The following PTDSS2 variants were observed in gnomAD, a reference collection of about 807,000 sequenced individuals.
PTDSS2 encodes PSS-2.
In PTDSS2, 41 loss-of-function variants were observed where a neutral mutation model predicts 64.7. The ratio of observed to expected loss-of-function variants is 0.63; its 90% CI spans 0.49 to 0.82. The LOEUF is 0.82. PTDSS2 is among the 40% of genes least tolerant of loss of function. The pLI, the probability that PTDSS2 is intolerant of heterozygous loss-of-function variation, is 0.00. For synonymous variants in PTDSS2, 297 were observed against 277.8 expected (o/e 1.07, Z -0.69); for missense variants, 485 against 650.0 (o/e 0.75, Z 2.76).
At chr11:468,346 G>A (rs748608322) in intron 2 of PTDSS2, among the ~76,000 whole-genome samples, 7 of 152,210 alleles carry the variant, frequency 4.6e-5, no homozygotes, top group Admixed American at 2.6e-4. Context: ...TGCAGCATTC[G>A]TATGGCAGTG....
intron 4 of PTDSS2, among the ~76,000 whole-genome samples, chr11:484,174 C>T (rs1487810878): frequency 5.3e-5 from 8 of 152,226 alleles, no homozygotes; most frequent in Non-Finnish European, 1.2e-4. Flanking sequence ...CTCTATTTAT[C>T]GTGGTGCCCA....
At chr11:490,091 T>C in intron 11 of PTDSS2, 23 bp downstream of exon 11, 2 of 1,586,854 alleles carry the variant, frequency 1.3e-6, no homozygotes, top group Non-Finnish European at 1.7e-6. Flanking sequence ...AGGGCGCGTA[T>C]GTTCTGAAGG....
At chr11:475,533 C>T (rs1383948227) in intron 3 of PTDSS2, among the ~76,000 whole-genome samples, 2 of 151,314 alleles carry the variant, frequency 1.3e-5, no homozygotes, top group African/African-American at 4.9e-5. Flanking sequence ...TTGTGTGATA[C>T]GGACATTCAC....
chr11:486,595 C>A (rs919309716), intron 4 of PTDSS2, among the ~76,000 whole-genome samples: 17 of 152,158 alleles, frequency 1.1e-4, no homozygotes, highest in Non-Finnish European at 8.8e-5. Context: ...GTAATCCCAG[C>A]TCTTTGGGAG....
At chr11:485,967 G>A (rs1248323651) in intron 4 of PTDSS2, among the ~76,000 whole-genome samples, 2 of 139,386 alleles carry the variant, frequency 1.4e-5, no homozygotes, top group Non-Finnish European at 3.1e-5. Context: ...ACGGGCGCGC[G>A]TGTGCTCACC....
rs375443544 is a variant in PTDSS2 at position 459,714 on chromosome 11, T to C, written c.183-473T>C. Reference sequence around the variant, plus strand: ...CCCACGGCTCGTGGCTCACTCCAGCTAGCAGCGGTCACTCTGCAGGCCTCT... The same window carrying C: ...CCCACGGCTCGTGGCTCACTCCAGCCAGCAGCGGTCACTCTGCAGGCCTCT... On this transcript the variant is annotated intron_variant, in intron 1 of 11. Coordinates refer to ENST00000308020, the MANE Select transcript of PTDSS2 (RefSeq NM_030783.3). 37 of 164,246 alleles carry C rather than the reference T, an allele frequency of 2.3e-4. No individual in the cohort carries two copies. In the South Asian group the frequency reaches 4.6e-3, roughly 21 times the overall value. 10.2% of individuals were successfully genotyped at this position (164,246 alleles called of 1,614,324 possible). A position where few individuals can be genotyped will look rare whatever the true frequency, so the allele number is the denominator to read the frequency against.
In PTDSS2 at chr11:490,710, T is replaced by G; in HGVS notation, c.*128T>G. 1 of 961,344 alleles carries G rather than the reference T, an allele frequency of 1.0e-6. No individual in the cohort carries two copies. Among genetic ancestry groups the G allele is most frequent in the Non-Finnish European group, 1.5e-6 (1 of 663,432 alleles). 59.6% of individuals were successfully genotyped at this position (961,344 alleles called of 1,614,324 possible). On this transcript the variant is annotated 3_prime_UTR_variant, in exon 12 of 12. Transcript: ENST00000308020. The stretch of plus-strand genomic sequence containing the variant: ...GTTTTTTGCTTTTCTCCTGTGCACC[T>G]GGCGAGGCTGAAGGCGAGGGGTGGA...
chr11:458,961 C>T (rs1295340802), intron 1 of PTDSS2: 3 of 152,292 alleles, frequency 2.0e-5, no homozygotes, highest in East Asian at 1.9e-4. Context: ...TCAGAAGCTT[C>T]CCCATTTAGA....
At chr11:486,569 G>A (rs183959623) in intron 4 of PTDSS2, among the ~76,000 whole-genome samples, 3 of 152,324 alleles carry the variant, frequency 2.0e-5, no homozygotes, top group East Asian at 1.9e-4. Context: ...CTGGCCGGGC[G>A]TGGTGGCTCA....
chr11:475,002 C>T (rs1847674255), intron 3 of PTDSS2, among the ~76,000 whole-genome samples: 1 of 95,618 alleles, frequency 1.0e-5, no homozygotes, highest in Admixed American at 9.3e-5. Flanking sequence ...GACATATTCA[C>T]GAGTTTGTGT....
chr11:490,199 G>A (rs1168793086), intron 11 of PTDSS2, 131 bp downstream of exon 11: 2 of 1,187,862 alleles, frequency 1.7e-6, no homozygotes, highest in Non-Finnish European at 2.4e-6. Context: ...GCCTCTGCGG[G>A]AGGCGCCTTT....
At chr11:477,031 G>A (rs1313031584) in intron 3 of PTDSS2, among the ~76,000 whole-genome samples, 1 of 152,146 alleles carries the variant, frequency 6.6e-6, no homozygotes, top group East Asian at 1.9e-4. Flanking sequence ...GGGGGGCAGG[G>A]AGAAGGGCTT....
intron 1 of PTDSS2, among the ~76,000 whole-genome samples, chr11:453,273 C>T (rs929647225): frequency 6.6e-6 from 1 of 152,162 alleles, no homozygotes; most frequent in African/African-American, 2.4e-5. Context: ...CCGAGAAGCC[C>T]TGTGCGAAGA....
intron 2 of PTDSS2, among the ~76,000 whole-genome samples, chr11:468,682 T>C (rs1847250605): frequency 6.6e-6 from 1 of 152,312 alleles, no homozygotes; most frequent in South Asian, 2.1e-4. Context: ...GCTCTGTCAC[T>C]GTGGTGTGTA....
At chr11:466,401 CTT>C (rs1226254389) in intron 2 of PTDSS2, among the ~76,000 whole-genome samples, 125 of 120,774 alleles carry the variant, frequency 1.0e-3, no homozygotes, top group African/African-American at 3.4e-3. Flanking sequence ...AACTGCCACT[CTT>C]TTTTTTTTTT....
chr11:450,666 C>G, intron 1 of PTDSS2, 29 bp downstream of exon 1: 8 of 1,242,122 alleles, frequency 6.4e-6, no homozygotes, highest in Non-Finnish European at 8.1e-6. Context: ...CGCGGGGCGG[C>G]GAGGGTGCCC....
Position 476,371 on chromosome 11 carries a change from G to A in PTDSS2, c.367+2394G>A, listed in dbSNP as rs1018578890. On this transcript the variant is annotated intron_variant, in intron 3 of 11. Transcript: ENST00000308020. The surrounding 1 kb of genome is among the most constrained non-coding windows in gnomAD (Gnocchi z 4.9). ...CCCGTCACACAGTGAAAGGCCTGGC[G>A]CGGTGATGGTGAGAAACTTCCCGGC... Among the ~76,000 whole-genome samples, 4 of 152,346 alleles carry A rather than the reference G, an allele frequency of 2.6e-5. No individual in the cohort carries two copies. The highest frequency in any genetic ancestry group is 2.1e-4 in the South Asian group (1 of 4,826).
chr11:459,706 A>G (rs1337868028), intron 1 of PTDSS2: 2 of 158,190 alleles, frequency 1.3e-5, no homozygotes, highest in African/African-American at 4.8e-5. Flanking sequence ...CTCGTGGCTC[A>G]CTCCAGCTAG....
At chr11:485,685 G>T (rs1476499379) in intron 4 of PTDSS2, among the ~76,000 whole-genome samples, 2 of 148,118 alleles carry the variant, frequency 1.4e-5, no homozygotes, top group Non-Finnish European at 3.0e-5. Flanking sequence ...CAGCGCACGG[G>T]CGCGTGTGTG....
Sources: allele counts gnomAD v4.1 joint callset (sites outside exome capture counted in the v4.1 genomes callset), GRCh38; gene constraint gnomAD v4.1.1; non-coding constraint Gnocchi (gnomAD v3.1); transcripts MANE v1.5; gene names NCBI Gene and HGNC (gene_info 2026-07-23, HGNC 2026-07-21).